MYCT1: variants seen among roughly 807,000 people sequenced by gnomAD.
MYCT1 encodes MYC target 1, also known as myc target protein 1.
Under a neutral mutation model 15.0 loss-of-function variants are expected in MYCT1, and 12 were observed. That is an observed-to-expected ratio of 0.80 (90% CI 0.51 to 1.29). The LOEUF (loss-of-function observed/expected upper bound fraction) is 1.29, where lower values mean the gene tolerates loss of function less well. MYCT1 is among the 50% of genes most tolerant of loss of function. The pLI is 0.00. For missense variants in MYCT1, 287 were observed against 279.1 expected (o/e 1.03, Z -0.20); for synonymous variants, 104 against 102.7 (o/e 1.01, Z -0.07).
intron 1 of MYCT1, among the ~76,000 whole-genome samples, chr6:152,704,005 ATTTT>A (rs1469469806): frequency 1.2e-5 from 1 of 86,686 alleles, no homozygotes; most frequent in African/African-American, 4.1e-5. Context: ...ATTTTATTTT[ATTTT>A]ATTTTTGAGA....
At chr6:152,717,815 G>A (rs867912532) in intron 1 of MYCT1, among the ~76,000 whole-genome samples, 4 of 151,732 alleles carry the variant, frequency 2.6e-5, no homozygotes, top group South Asian at 2.1e-4. Context: ...TTCATGATGC[G>A]TGTACTCTAC....
chr6:152,714,873 T>C (rs2099723364), intron 1 of MYCT1, among the ~76,000 whole-genome samples: 1 of 152,088 alleles, frequency 6.6e-6, no homozygotes, highest in Middle Eastern at 3.4e-3. Flanking sequence ...TATAAAACTT[T>C]CCTTCTGGCA....
downstream of MYCT1, among the ~76,000 whole-genome samples, chr6:152,725,884 C>T (rs958669397): frequency 5.3e-5 from 8 of 151,976 alleles, no homozygotes; most frequent in African/African-American, 1.7e-4. Context: ...AGTAACCGAC[C>T]GAACTAGATC....
intron 1 of MYCT1, among the ~76,000 whole-genome samples, 158 bp from the exon 2 acceptor site, chr6:152,721,584 T>C (rs902464968): frequency 1.8e-4 from 28 of 152,178 alleles, no homozygotes; most frequent in African/African-American, 6.5e-4. Flanking sequence ...TCAGCTTCCA[T>C]TTGTTCATAT....
the MYCT1 span, among the ~76,000 whole-genome samples, chr6:152,733,368 G>A: frequency 1.3e-5 from 2 of 152,288 alleles, no homozygotes; most frequent in South Asian, 4.1e-4. Context: ...CTCCCAAAAT[G>A]CTGGGATTAC....
the MYCT1 span, among the ~76,000 whole-genome samples, chr6:152,729,612 C>T: frequency 2.0e-5 from 3 of 152,160 alleles, no homozygotes; most frequent in African/African-American, 7.2e-5. Context: ...AGGAACATTT[C>T]GTGGTAGGAT....
the MYCT1 span, among the ~76,000 whole-genome samples, chr6:152,746,304 T>C: frequency 6.6e-6 from 1 of 152,206 alleles, no homozygotes; most frequent in Non-Finnish European, 1.5e-5. Context: ...TAACCCTACA[T>C]AAACCATGTA....
chr6:152,718,969 T>C (rs1179128286), intron 1 of MYCT1, among the ~76,000 whole-genome samples: 1 of 152,208 alleles, frequency 6.6e-6, no homozygotes, highest in Non-Finnish European at 1.5e-5. Context: ...ATTTGTATCA[T>C]ACACTAGTGT....
chr6:152,718,736 C>CT lies in MYCT1; in HGVS notation c.197-3003dup, dbSNP rs1227392635. Among the ~76,000 whole-genome samples the CT allele has an allele frequency of 3.3e-5, 5 of 152,050 alleles. No individual in the cohort carries two copies. In the East Asian group the frequency reaches 9.6e-4, roughly 29 times the overall value. On this transcript the variant is annotated intron_variant, in intron 1 of 1. Coordinates refer to ENST00000367245, the MANE Select transcript of MYCT1 (RefSeq NM_025107.3). The stretch of plus-strand genomic sequence containing the variant: ...GACCATGTACAAGGACTCTTGTAAT[C>CT]TTTAAATACTTTCATTGAGTAACTG...
chr6:152,720,947 C>G (rs956391526), intron 1 of MYCT1, among the ~76,000 whole-genome samples: 1 of 152,168 alleles, frequency 6.6e-6, no homozygotes, highest in African/African-American at 2.4e-5. Flanking sequence ...TAGGAAAAGG[C>G]ATTTTTCTCC....
At chr6:152,717,386 A>C (rs1219908168) in intron 1 of MYCT1, among the ~76,000 whole-genome samples, 2 of 152,140 alleles carry the variant, frequency 1.3e-5, no homozygotes, top group Non-Finnish European at 2.9e-5. Flanking sequence ...AAGGTATAAG[A>C]ATTAGTGCAA....
chr6:152,703,735 G>T (rs2099721727), intron 1 of MYCT1, among the ~76,000 whole-genome samples: 1 of 151,972 alleles, frequency 6.6e-6, no homozygotes, highest in Non-Finnish European at 1.5e-5. Context: ...GCCCAATCAA[G>T]ATACATAATC....
chr6:152,700,739 A>G (rs1251108630), intron 1 of MYCT1, among the ~76,000 whole-genome samples: 2 of 152,176 alleles, frequency 1.3e-5, no homozygotes, highest in Non-Finnish European at 2.9e-5. Flanking sequence ...TAGGAGACAA[A>G]TACTGAACTC....
the MYCT1 span, among the ~76,000 whole-genome samples, chr6:152,744,182 G>A: frequency 6.6e-6 from 1 of 152,168 alleles, no homozygotes; most frequent in Non-Finnish European, 1.5e-5. Context: ...AGCATCAAGG[G>A]CCTGAATGAA....
chr6:152,718,732 T>C (rs2099724178), intron 1 of MYCT1, among the ~76,000 whole-genome samples: 1 of 152,190 alleles, frequency 6.6e-6, no homozygotes, highest in Non-Finnish European at 1.5e-5. Context: ...AGGACTCTTG[T>C]AATCTTTAAA....
In MYCT1 at chr6:152,722,777, G is replaced by A. The variant is rs1219573966; in HGVS notation, c.*524G>A. The A allele has an allele frequency of 1.2e-5, 5 of 405,230 alleles. 1 individual carries two copies. The highest frequency in any genetic ancestry group is 2.5e-5 in the Non-Finnish European group (5 of 204,004). The allele number at this position is 405,230 out of a possible 1,614,324, so 25.1% of individuals were successfully genotyped here. ...TTTTGAGACAGGGTCTTGATCCGTCGCCCAGGCGGGAGTTGCAGTAGCATG... is the reference window on the plus strand; with the variant it reads ...TTTTGAGACAGGGTCTTGATCCGTCACCCAGGCGGGAGTTGCAGTAGCATG... On this transcript the variant is annotated 3_prime_UTR_variant, in exon 2 of 2. Coordinates refer to ENST00000367245, the MANE Select transcript of MYCT1 (RefSeq NM_025107.3).
At chr6:152,725,426 A>C (rs1565396988), downstream of MYCT1, among the ~76,000 whole-genome samples, 1 of 152,204 alleles carries the variant, frequency 6.6e-6, no homozygotes, top group Non-Finnish European at 1.5e-5. Context: ...ACACTCTAGT[A>C]GTTTTTTCTA....
chr6:152,725,708 T>A (rs937136432), downstream of MYCT1, among the ~76,000 whole-genome samples: 2 of 152,204 alleles, frequency 1.3e-5, no homozygotes, highest in African/African-American at 4.8e-5. Context: ...TGGAAGGCAG[T>A]TTGATGAAAT....
chr6:152,733,525 A>G, the MYCT1 span, among the ~76,000 whole-genome samples: 1 of 152,214 alleles, frequency 6.6e-6, no homozygotes, highest in Non-Finnish European at 1.5e-5. Context: ...CCTTGGAGGA[A>G]AAAGGGAGCT....
Sources: gnomAD v4.1 joint callset for allele counts (sites outside exome capture counted in the v4.1 genomes callset) on GRCh38, gnomAD v4.1.1 for gene constraint, MANE v1.5 for transcripts, NCBI Gene and HGNC (gene_info 2026-07-23, HGNC 2026-07-21) for gene names.